Variants in GPR15LG observed in about 807,000 individuals in gnomAD.
GPR15LG encodes the protein protein GPR15LG.
chr10:84,183,138 G>C, the GPR15LG span, among the ~76,000 whole-genome samples: 2 of 152,146 alleles, frequency 1.3e-5, no homozygotes, highest in Admixed American at 6.5e-5. Context: ...TGCTTATATA[G>C]CAATTACTAG....
the GPR15LG span, among the ~76,000 whole-genome samples, chr10:84,181,209 G>T: frequency 7.0e-6 from 1 of 142,954 alleles, no homozygotes; most frequent in Admixed American, 7.1e-5. Flanking sequence ...GAGGGAGAGG[G>T]AGAGGGAGAA....
the GPR15LG span, among the ~76,000 whole-genome samples, chr10:84,177,199 C>A: frequency 6.6e-6 from 1 of 152,222 alleles, no homozygotes; most frequent in South Asian, 2.1e-4. Flanking sequence ...CTCCCTGAGG[C>A]CTGGGGACAC....
chr10:84,184,813 A>G, the GPR15LG span: 71 of 1,609,980 alleles, frequency 4.4e-5, no homozygotes, highest in Admixed American at 2.0e-4. Flanking sequence ...CATGCCTGGC[A>G]CCTGAGGTAC....
the GPR15LG span, among the ~76,000 whole-genome samples, chr10:84,178,313 C>T: frequency 4.6e-5 from 7 of 151,834 alleles, no homozygotes; most frequent in Admixed American, 2.0e-4. Flanking sequence ...ACACTACATG[C>T]ACATACACAC....
At chr10:84,178,819 T>A in the GPR15LG span, among the ~76,000 whole-genome samples, 1 of 152,246 alleles carries the variant, frequency 6.6e-6, no homozygotes, top group African/African-American at 2.4e-5. Context: ...TAAAATTCCA[T>A]TGTTGAAATT....
the GPR15LG span, chr10:84,176,616 T>G: frequency 7.2e-7 from 1 of 1,395,700 alleles, no homozygotes; most frequent in Admixed American, 1.7e-5. Context: ...AGTTCTACAG[T>G]GGCCATGGGA....
the GPR15LG span, among the ~76,000 whole-genome samples, chr10:84,180,355 G>A: frequency 2.0e-5 from 3 of 152,084 alleles, no homozygotes; most frequent in African/African-American, 7.2e-5. Context: ...AGACAAAACC[G>A]CCATTGTCAT....
the GPR15LG span, chr10:84,176,459 T>C: frequency 2.5e-6 from 4 of 1,583,576 alleles, no homozygotes; most frequent in Non-Finnish European, 3.5e-6. Flanking sequence ...ACAGTCTCTC[T>C]TCCTTTGTGT....
At chr10:84,174,933 A>G in the GPR15LG span, among the ~76,000 whole-genome samples, 11 of 152,346 alleles carry the variant, frequency 7.2e-5, no homozygotes, top group South Asian at 2.1e-4. Context: ...ATAGAAATAT[A>G]TAAAGAGAAG....
chr10:84,174,644 C>G, the GPR15LG span, among the ~76,000 whole-genome samples: 3 of 152,016 alleles, frequency 2.0e-5, no homozygotes, highest in African/African-American at 2.4e-5. Flanking sequence ...AGGTGCCCAC[C>G]ACCAAGCCCA....
At chr10:84,184,097 A>T in the GPR15LG span, among the ~76,000 whole-genome samples, 1 of 151,288 alleles carries the variant, frequency 6.6e-6, no homozygotes, top group African/African-American at 2.4e-5. Flanking sequence ...AGGCAGGAGG[A>T]TAGCTTGAGG....
the GPR15LG span, among the ~76,000 whole-genome samples, chr10:84,181,698 G>A: frequency 1.5e-3 from 228 of 152,324 alleles, 1 homozygote; most frequent in African/African-American, 5.3e-3. Context: ...TAAAGCGCTG[G>A]GATTACAGGC....
At chr10:84,177,540 T>C in the GPR15LG span, among the ~76,000 whole-genome samples, 1 of 152,194 alleles carries the variant, frequency 6.6e-6, no homozygotes, top group Admixed American at 6.5e-5. Context: ...TCCATGCCTT[T>C]CCCAGCTACC....
the GPR15LG span, chr10:84,176,636 C>T: frequency 9.0e-7 from 1 of 1,111,714 alleles, no homozygotes; most frequent in Non-Finnish European, 1.4e-6. Context: ...ACCAGCCACA[C>T]ACACTGATCA....
chr10:84,179,661 T>G, the GPR15LG span, among the ~76,000 whole-genome samples: 1 of 152,218 alleles, frequency 6.6e-6, no homozygotes, highest in Admixed American at 6.5e-5. Flanking sequence ...CAACACCAGC[T>G]ATGACACACA....
the GPR15LG span, among the ~76,000 whole-genome samples, chr10:84,180,034 G>T: frequency 7.4e-3 from 1,118 of 152,072 alleles, 9 homozygotes; most frequent in African/African-American, 0.025. Context: ...GCCACCTTCC[G>T]CAGTGTTTGT....
the GPR15LG span, among the ~76,000 whole-genome samples, chr10:84,177,677 C>T: frequency 2.6e-5 from 4 of 152,168 alleles, no homozygotes; most frequent in South Asian, 2.1e-4. Context: ...CACACCCAGC[C>T]GGCCAGGATA....
the GPR15LG span, among the ~76,000 whole-genome samples, chr10:84,178,538 ACT>A: frequency 6.6e-6 from 1 of 151,608 alleles, no homozygotes; most frequent in South Asian, 2.1e-4. Context: ...ACCACAATAC[ACT>A]CACAGACACT....
the GPR15LG span, among the ~76,000 whole-genome samples, chr10:84,177,864 T>G: frequency 1.3e-5 from 2 of 152,098 alleles, no homozygotes; most frequent in Non-Finnish European, 2.9e-5. Flanking sequence ...ACCCTCCCCC[T>G]CCACTTCCCC....
Sources: gnomAD v4.1 joint callset for allele counts (sites outside exome capture counted in the v4.1 genomes callset) on GRCh38, gnomAD v4.1.1 for gene constraint, MANE v1.5 for transcripts, NCBI Gene and HGNC (gene_info 2026-07-23, HGNC 2026-07-21) for gene names.